ADRA1A: variants seen among roughly 807,000 people sequenced by gnomAD.
ADRA1A encodes the protein alpha-1A adrenergic receptor.
In ADRA1A, 31 loss-of-function variants were observed where a neutral mutation model predicts 29.6. The ratio of observed to expected loss-of-function variants is 1.05; its 90% confidence interval spans 0.79 to 1.41. ADRA1A has a LOEUF of 1.41. Ranked by LOEUF, ADRA1A falls within the 40% of genes most tolerant of loss-of-function variation. The pLI, the probability that ADRA1A is intolerant of heterozygous loss-of-function variation, is 0.00. For synonymous variants in ADRA1A, 311 were observed against 254.3 expected, an observed-to-expected ratio of 1.22 and a Z score of -2.12; for missense variants, 619 against 601.1, an observed-to-expected ratio of 1.03 and a Z score of -0.31.
At position 26,865,233 on chromosome 8, in the gene ADRA1A, C is replaced by T. The variant is rs1168528133; in HGVS notation, c.-264G>A. On this transcript the variant is annotated 5_prime_UTR_variant, in exon 2 of 3. Transcript: ENST00000380573. This position sits in a 1 kb window ranked among gnomAD's most constrained non-coding sequence, Gnocchi z 7.6. ...GGCTGCCGGGGACCCTCTCCACCTGCCGGGCTGGCCTAGCCCGGGACCCGG... is the reference window on the plus strand; with the variant it reads ...GGCTGCCGGGGACCCTCTCCACCTGTCGGGCTGGCCTAGCCCGGGACCCGG... 3.0e-6 allele frequency: 4 copies of T among 1,318,814 alleles called. No individual in the cohort carries two copies. Among genetic ancestry groups the T allele is most frequent in the Non-Finnish European group, 3.9e-6 (4 of 1,034,914 alleles). The allele number at this position is 1,318,814 out of a possible 1,614,324, so 81.7% of individuals were successfully genotyped here.
At chr8:26,761,654 G>C (rs1414531741), downstream of ADRA1A, among the ~76,000 whole-genome samples, 1 of 152,210 alleles carries the variant, frequency 6.6e-6, no homozygotes, top group East Asian at 1.9e-4. Flanking sequence ...CCAACCTCCA[G>C]AATGGTGAGG....
intron 2 of ADRA1A, among the ~76,000 whole-genome samples, chr8:26,852,747 A>C (rs1205330429): frequency 6.6e-6 from 1 of 152,184 alleles, no homozygotes; most frequent in Non-Finnish European, 1.5e-5. Flanking sequence ...AGGAACACAT[A>C]ATTCTTACGG....
At chr8:26,779,626 G>A (rs1288978936) in intron 2 of ADRA1A, among the ~76,000 whole-genome samples, 3 of 152,146 alleles carry the variant, frequency 2.0e-5, no homozygotes, top group Admixed American at 6.5e-5. Flanking sequence ...CTGAGGTTTT[G>A]GGGAAGGCTT....
At position 26,864,319 on chromosome 8, in the gene ADRA1A, G is replaced by A. The variant is rs774453123; in HGVS notation, c.651C>T (p.Gly217=). The A allele has an allele frequency of 6.2e-7, 1 of 1,614,100 alleles. No individual in the cohort carries two copies. The highest frequency in any genetic ancestry group is 1.1e-5 in the South Asian group (1 of 91,060). The stretch of plus-strand genomic sequence containing the variant: ...TGTCGGTCTTGAGGCCAGACTTGAG[G>A]CCCCGGCTCTCCCTCTTGGCCACCA... ...VYVVAKRESR[G]LKSGLKTDKS... The change falls in exon 2 of 3, where the codon GGC becomes GGT. Residue 217 remains glycine (G), a synonymous_variant. Coordinates refer to ENST00000380573, the MANE Select transcript of ADRA1A (RefSeq NM_000680.4). This position sits in a 1 kb window ranked among gnomAD's most constrained non-coding sequence, Gnocchi z 8.1.
intron 2 of ADRA1A, among the ~76,000 whole-genome samples, chr8:26,786,869 T>C (rs1030335272): frequency 2.0e-5 from 3 of 149,386 alleles, no homozygotes; most frequent in African/African-American, 7.5e-5. Flanking sequence ...TATGTAAATT[T>C]CATAAAGATA....
At chr8:26,826,307 AG>A (rs1810561619) in intron 2 of ADRA1A, among the ~76,000 whole-genome samples, 1 of 152,252 alleles carries the variant, frequency 6.6e-6, no homozygotes, top group African/African-American at 2.4e-5. Context: ...TCAGGGACCC[AG>A]GCTCCTTCCA....
chr8:26,834,104 C>A (rs1206842286), intron 2 of ADRA1A, among the ~76,000 whole-genome samples: 1 of 152,086 alleles, frequency 6.6e-6, no homozygotes, highest in African/African-American at 2.4e-5. Context: ...TTCTTATATG[C>A]CAGCATTAAT....
downstream of ADRA1A, among the ~76,000 whole-genome samples, chr8:26,752,113 A>C (rs115161658): frequency 0.016 from 2,387 of 152,324 alleles, 62 homozygotes; most frequent in African/African-American, 0.052. Flanking sequence ...AAACATTCTA[A>C]CAAATCACTA....
chr8:26,840,313 G>A (rs1811725445), intron 2 of ADRA1A, among the ~76,000 whole-genome samples: 1 of 152,148 alleles, frequency 6.6e-6, no homozygotes, highest in Non-Finnish European at 1.5e-5. Context: ...AGTAGCGGTT[G>A]GGTAGGAGAA....
At chr8:26,779,410 C>G (rs768630039) in intron 2 of ADRA1A, 1 of 702,242 alleles carries the variant, frequency 1.4e-6, no homozygotes, top group Non-Finnish European at 2.6e-6. Context: ...TTTTTTCCTT[C>G]TTGGGCCTCA....
At chr8:26,857,723 C>G (rs930838841) in intron 2 of ADRA1A, among the ~76,000 whole-genome samples, 1 of 152,176 alleles carries the variant, frequency 6.6e-6, no homozygotes, top group Non-Finnish European at 1.5e-5. Flanking sequence ...ACCATTATCT[C>G]TAAGAGGTGA....
At chr8:26,762,970 C>T (rs1468986572), downstream of ADRA1A, among the ~76,000 whole-genome samples, 1 of 152,102 alleles carries the variant, frequency 6.6e-6, no homozygotes, top group Non-Finnish European at 1.5e-5. The surrounding 1 kb of genome is among the most constrained non-coding windows in gnomAD (Gnocchi z 4.0). Context: ...ATCTGGTATT[C>T]TTAGGGGAGG....
rs76228162 is a variant in ADRA1A, at chr8:26,781,609, G to A, written c.884-10943C>T. Among the ~76,000 whole-genome samples, 251 of 152,296 alleles carry A rather than the reference G, an allele frequency of 1.6e-3. 5 individuals are homozygous for A. In the East Asian group the frequency reaches 0.044, roughly 27 times the overall value. On this transcript the variant is annotated intron_variant, in intron 2 of 2. Coordinates refer to ENST00000380573, the MANE Select transcript of ADRA1A (RefSeq NM_000680.4). Reference sequence around the variant, plus strand: ...TGAAAACAAGACCATTCTCCAAGTAGTTTTATACAGCTAAGTTGCAGGCAC... The same window carrying A: ...TGAAAACAAGACCATTCTCCAAGTAATTTTATACAGCTAAGTTGCAGGCAC...
intron 2 of ADRA1A, among the ~76,000 whole-genome samples, chr8:26,795,360 C>T (rs913533194): frequency 1.3e-5 from 2 of 152,020 alleles, no homozygotes; most frequent in South Asian, 4.1e-4. Context: ...AGTAAAATCT[C>T]GATGCTGGGG....
intron 2 of ADRA1A, among the ~76,000 whole-genome samples, chr8:26,834,819 A>T (rs965519178): frequency 2.9e-4 from 44 of 152,124 alleles, no homozygotes; most frequent in African/African-American, 1.1e-3. Flanking sequence ...GACTTTTTCC[A>T]CTTCCACCTT....
At chr8:26,813,513 C>A (rs538251813) in intron 2 of ADRA1A, among the ~76,000 whole-genome samples, 1 of 151,160 alleles carries the variant, frequency 6.6e-6, no homozygotes, top group African/African-American at 2.5e-5. Context: ...TCCATCCATC[C>A]ATCCATCCAT....
chr8:26,861,323 T>TTC (rs71216784), intron 2 of ADRA1A, among the ~76,000 whole-genome samples: 2 of 148,450 alleles, frequency 1.3e-5, no homozygotes, highest in Non-Finnish European at 3.0e-5. Context: ...TTTTTTTTTT[T>TTC]AGATGGAGCC....
At chr8:26,807,245 G>A (rs1293377874) in intron 2 of ADRA1A, among the ~76,000 whole-genome samples, 1 of 152,160 alleles carries the variant, frequency 6.6e-6, no homozygotes, top group Admixed American at 6.5e-5. Context: ...CTTTATCAAT[G>A]TCATGAGGGT....
chr8:26,827,512 C>T (rs11780591), intron 2 of ADRA1A, among the ~76,000 whole-genome samples: 9,677 of 152,248 alleles, frequency 0.064, 340 homozygotes, highest in South Asian at 0.079. Flanking sequence ...CCAGCAGTTG[C>T]GGTGTCTGGT....
Sources: allele counts gnomAD v4.1 joint callset (sites outside exome capture counted in the v4.1 genomes callset), GRCh38; gene constraint gnomAD v4.1.1; non-coding constraint Gnocchi (gnomAD v3.1); transcripts MANE v1.5; gene names NCBI Gene and HGNC (gene_info 2026-07-23, HGNC 2026-07-21).